Variants in SCN10A observed in about 807,000 individuals in gnomAD.
SCN10A encodes sodium channel protein type 10 subunit alpha.
Under a neutral mutation model 170.7 loss-of-function variants are expected in SCN10A, and 162 were observed. That is an observed-to-expected ratio of 0.95 (90% CI 0.84 to 1.08). The LOEUF (loss-of-function observed/expected upper bound fraction) is 1.08, where lower values mean the gene tolerates loss of function less well. SCN10A is among the 50% of genes least tolerant of loss of function. The pLI is 0.00. For synonymous variants in SCN10A, 985 were observed against 904.6 expected, an observed-to-expected ratio of 1.09 and a Z score of -1.59; for missense variants, 2,527 against 2,436.9, an observed-to-expected ratio of 1.04 and a Z score of -0.78.
rs764654987 is a variant in SCN10A, at chr3:38,725,215, C to T, written c.3187G>A (p.Glu1063Lys). ...SSEDLAPSLG[E>K]TWKDESVPQV... ...GGAACAGACTCATCTTTCCACGTCTCACCCAGGGATGGAGCCAGGTCCTCA... is the reference window on the plus strand; with the variant it reads ...GGAACAGACTCATCTTTCCACGTCTTACCCAGGGATGGAGCCAGGTCCTCA... Residue 1063 changes from glutamate to lysine, a missense_variant, in exon 18 of 28, where the codon GAG becomes AAG. By Grantham distance (56) the Glu-to-Lys change is moderately conservative. Transcript: ENST00000449082. 3.7e-6 allele frequency: 6 copies of T among 1,606,808 alleles called. No individual in the cohort carries two copies. The highest frequency in any genetic ancestry group is 2.7e-5 in the African/African-American group (2 of 74,842).
chr3:38,745,763 A>G (rs771473590), intron 13 of SCN10A, among the ~76,000 whole-genome samples: 34 of 151,976 alleles, frequency 2.2e-4, no homozygotes, highest in Non-Finnish European at 4.4e-5. Flanking sequence ...ACCTTTCCAC[A>G]GCATTGCCTC....
At chr3:38,809,330 G>A (rs935569885) in intron 1 of SCN10A, among the ~76,000 whole-genome samples, 4 of 152,220 alleles carry the variant, frequency 2.6e-5, no homozygotes, top group African/African-American at 9.6e-5. Context: ...CAACAGATCT[G>A]TGTGTTCTTG....
chr3:38,751,382 ACTCT>A (rs1266102521), intron 12 of SCN10A, among the ~76,000 whole-genome samples: 1 of 152,088 alleles, frequency 6.6e-6, no homozygotes, highest in Non-Finnish European at 1.5e-5. Flanking sequence ...ACTTTACTAA[ACTCT>A]CTCTATTAGC....
intron 1 of SCN10A, among the ~76,000 whole-genome samples, chr3:38,809,402 C>T (rs1005877535): frequency 1.3e-5 from 2 of 152,228 alleles, no homozygotes; most frequent in Non-Finnish European, 2.9e-5. Context: ...TCTCTTGAAA[C>T]TGTCATAGCC....
In SCN10A at chr3:38,787,468, C is replaced by T. The variant is rs188281457; in HGVS notation, c.470+1488G>A. Among the ~76,000 whole-genome samples, 34 of 151,974 alleles carry T rather than the reference C, an allele frequency of 2.2e-4. 1 individual carries two copies. The East Asian group carries it at 3.1e-3, about 14-fold the overall frequency. ...TCTTATTATCTGTAAATTACATCTT[C>T]GGTACTTTTTTCTTCTTGCACTTTT... On this transcript the variant is annotated intron_variant, in intron 4 of 27. Coordinates refer to ENST00000449082, the MANE Select transcript of SCN10A (RefSeq NM_006514.4).
At chr3:38,814,832 T>C (rs776365600) in intron 1 of SCN10A, among the ~76,000 whole-genome samples, 1 of 152,210 alleles carries the variant, frequency 6.6e-6, no homozygotes, top group Non-Finnish European at 1.5e-5. Context: ...AACCAAAAAT[T>C]TCCACCAGTT....
Position 38,726,973 on chromosome 3 carries a change from A to G in SCN10A, c.2720T>C (p.Val907Ala). 1 of 1,614,098 alleles carries G rather than the reference A, an allele frequency of 6.2e-7. No homozygotes were observed. Among genetic ancestry groups the G allele is most frequent in the Non-Finnish European group, 8.5e-7 (1 of 1,180,000 alleles). The change falls in exon 17 of 28, where the codon GTG (valine) becomes GCG (alanine). Residue 907 changes from valine (V) to alanine (A), a missense_variant. Val to Ala is a moderately conservative substitution (Grantham distance 64). Transcript: ENST00000449082. The stretch of plus-strand genomic sequence containing the variant: ...TGCCAGGGCCACCTGCAGGTTGTTC[A>G]CCTCCCCATCGTCCTCCGGGGCTGT... ...NLTAPEDDGE[V>A]NNLQVALARI... is the part of the protein sequence containing the mutation.
Position 38,746,100 on chromosome 3 carries a change from T to TATATATATATATATATCTAG in SCN10A, c.1868-3572_1868-3571insCTAGATATATATATATATAT, listed in dbSNP as rs71085336. ...ATATATATATATATATATATATATA[T>TATATATATATATATATCTAG]GCCATCTTTGTCATCTAAGTTCTAG... On this transcript the variant is annotated intron_variant, in intron 13 of 27. Coordinates refer to ENST00000449082, the MANE Select transcript of SCN10A (RefSeq NM_006514.4). Among the ~76,000 whole-genome samples, 81 of 99,810 alleles carry TATATATATATATATATCTAG rather than the reference T, an allele frequency of 8.1e-4. 2 individuals carry two copies. Among genetic ancestry groups the TATATATATATATATATCTAG allele is most frequent in the East Asian group, 2.1e-3 (6 of 2,840 alleles). 65.5% of individuals were successfully genotyped at this position (99,810 alleles called of 152,430 possible).
chr3:38,702,733 T>C (rs1193200758), intron 26 of SCN10A, among the ~76,000 whole-genome samples: 4 of 152,222 alleles, frequency 2.6e-5, no homozygotes, highest in Non-Finnish European at 4.4e-5. Flanking sequence ...CTGTTCCTGG[T>C]GCTGTGCAAA....
rs531288030 is a variant in SCN10A, at chr3:38,707,181, C to T, written c.4386+98G>A. 114 of 1,287,844 alleles carry T rather than the reference C, an allele frequency of 8.9e-5. No homozygotes were observed. The Middle Eastern group carries it at 1.9e-3, about 22-fold the overall frequency. 79.8% of individuals were successfully genotyped at this position (1,287,844 alleles called of 1,614,324 possible). A position where few individuals can be genotyped will look rare whatever the true frequency, so the allele number is the denominator to read the frequency against. ...CAACGTCAACCCAGATCTTCTCTTC[C>T]ATAAACAGCACTCCCTCAGGCCCCT... On this transcript the variant is annotated intron_variant, in intron 26 of 27. Coordinates refer to ENST00000449082, the MANE Select transcript of SCN10A (RefSeq NM_006514.4).
intron 4 of SCN10A, among the ~76,000 whole-genome samples, chr3:38,785,848 A>G (rs1407237140): frequency 1.3e-5 from 2 of 152,268 alleles, no homozygotes; most frequent in Admixed American, 6.5e-5. Flanking sequence ...AAAAGAAGAC[A>G]TTTATGCAGC....
At chr3:38,794,580 C>T (rs2064325662) in intron 1 of SCN10A, among the ~76,000 whole-genome samples, 1 of 152,164 alleles carries the variant, frequency 6.6e-6, no homozygotes, top group Non-Finnish European at 1.5e-5. Flanking sequence ...TCTCTGGGAC[C>T]TCCAGGTTCA....
rs186779968 is a variant in SCN10A, at chr3:38,728,088, G to A, written c.2640+454C>T. 1.2e-3 allele frequency among the ~76,000 whole-genome samples: 183 copies of A among 152,222 alleles called. 2 individuals are homozygous for A. The Middle Eastern group carries it at 0.014, about 11-fold the overall frequency. On this transcript the variant is annotated intron_variant, in intron 16 of 27. Coordinates refer to ENST00000449082, the MANE Select transcript of SCN10A (RefSeq NM_006514.4). Reference sequence around the variant, plus strand: ...TGTTTTCTGAGCCCCCTCAGATTGGGGAAGGACATTTTTCCTTTAACAGCT... The same window carrying A: ...TGTTTTCTGAGCCCCCTCAGATTGGAGAAGGACATTTTTCCTTTAACAGCT...
intron 21 of SCN10A, among the ~76,000 whole-genome samples, chr3:38,716,974 TAGA>T: frequency 6.6e-6 from 1 of 152,200 alleles, no homozygotes; most frequent in Admixed American, 6.5e-5. Context: ...AATGGAAAGA[TAGA>T]AGAATGAGTG....
intron 13 of SCN10A, among the ~76,000 whole-genome samples, chr3:38,749,825 A>G (rs1463943792): frequency 6.6e-6 from 1 of 152,258 alleles, no homozygotes; most frequent in Non-Finnish European, 1.5e-5. Flanking sequence ...TGCAAAGCAG[A>G]TGCTAATTTG....
intron 11 of SCN10A, among the ~76,000 whole-genome samples, chr3:38,754,256 A>C (rs949161083): frequency 6.6e-6 from 1 of 152,204 alleles, no homozygotes; most frequent in Admixed American, 6.5e-5. Flanking sequence ...ATCCAGCCCC[A>C]TAAGAGTGGA....
chr3:38,737,783 TCCC>T (rs1418130334), intron 15 of SCN10A, among the ~76,000 whole-genome samples: 5 of 108,402 alleles, frequency 4.6e-5, no homozygotes, highest in East Asian at 6.8e-4. Context: ...TCTCTCTCCC[TCCC>T]TCCCTCCCTT....
chr3:38,731,087 C>T (rs957042038), intron 15 of SCN10A, among the ~76,000 whole-genome samples: 1 of 151,974 alleles, frequency 6.6e-6, no homozygotes, highest in African/African-American at 2.4e-5. Context: ...TGCAGAACAC[C>T]AAAGATGGAT....
At position 38,698,574 on chromosome 3, in the gene SCN10A, G is replaced by C; in HGVS notation, c.4658-12C>G. 1 of 1,607,170 alleles carries C rather than the reference G, an allele frequency of 6.2e-7. No individual in the cohort carries two copies. The highest frequency in any genetic ancestry group is 8.5e-7 in the Non-Finnish European group (1 of 1,174,506). ...AGAAAAAATCAGGCCTTTAAAAGAA[G>C]GAAGAAATTATCTAATTAGTATCTC... On this transcript the variant is annotated splice_polypyrimidine_tract_variant and intron_variant, in intron 27 of 27. Transcript: ENST00000449082.
Sources: gnomAD v4.1 joint callset for allele counts (sites outside exome capture counted in the v4.1 genomes callset) on GRCh38, gnomAD v4.1.1 for gene constraint, MANE v1.5 for transcripts, NCBI Gene and HGNC (gene_info 2026-07-23, HGNC 2026-07-21) for gene names.